SETD3: variants seen among roughly 807,000 people sequenced by gnomAD.
SETD3 encodes SET domain containing 3, actin N3(tau)-histidine methyltransferase.
In SETD3, 19 loss-of-function variants were observed where a neutral mutation model predicts 63.0. The observed-to-expected ratio is 0.30, with a 90% CI of 0.21 to 0.44. SETD3 has a LOEUF of 0.44. Ranked by LOEUF, SETD3 falls within the 20% of genes least tolerant of loss-of-function variation. The pLI is 1.00. For synonymous variants in SETD3, 286 were observed against 264.1 expected (o/e 1.08, Z -0.80); for missense variants, 587 against 728.5 (o/e 0.81, Z 2.24).
intron 6 of SETD3, among the ~76,000 whole-genome samples, chr14:99,450,811 A>G (rs1434925750): frequency 6.6e-6 from 1 of 152,204 alleles, no homozygotes; most frequent in Non-Finnish European, 1.5e-5. Flanking sequence ...AAATAGTAGT[A>G]ATAAATTTAA....
chr14:99,429,618 A>G (rs1893064959), intron 6 of SETD3, among the ~76,000 whole-genome samples: 1 of 152,174 alleles, frequency 6.6e-6, no homozygotes, highest in South Asian at 2.1e-4. Context: ...CAGTCATCTG[A>G]TAACTAACAT....
intron 7 of SETD3, 41 bp from the exon 8 acceptor site, chr14:99,413,106 A>C: frequency 8.3e-7 from 1 of 1,202,264 alleles, no homozygotes; most frequent in Non-Finnish European, 1.2e-6. Flanking sequence ...GGAACATTTA[A>C]AAGCCAATTG....
At chr14:99,455,749 T>C (rs1333086386) in intron 6 of SETD3, among the ~76,000 whole-genome samples, 1 of 152,220 alleles carries the variant, frequency 6.6e-6, no homozygotes, top group African/African-American at 2.4e-5. Flanking sequence ...TCAGCACTTC[T>C]GACATTTGGG....
At chr14:99,482,596 T>C (rs1157636115), upstream of SETD3, among the ~76,000 whole-genome samples, 5 of 152,238 alleles carry the variant, frequency 3.3e-5, no homozygotes, top group Non-Finnish European at 5.9e-5. Context: ...AGGGTTTTTT[T>C]CCCTCTTTTA....
At chr14:99,403,559 AAC>A (rs1891518555) in intron 11 of SETD3, among the ~76,000 whole-genome samples, 1 of 152,034 alleles carries the variant, frequency 6.6e-6, no homozygotes, top group Non-Finnish European at 1.5e-5. Flanking sequence ...GAAAAATAAA[AAC>A]ACAACCACGA....
chr14:99,433,834 T>C (rs1244463532), intron 6 of SETD3, among the ~76,000 whole-genome samples: 1 of 151,664 alleles, frequency 6.6e-6, no homozygotes, highest in Non-Finnish European at 1.5e-5. Context: ...TCAACACCAT[T>C]AGCCATCAAG....
chr14:99,473,556 T>C (rs1429355549), intron 1 of SETD3, among the ~76,000 whole-genome samples: 1 of 152,216 alleles, frequency 6.6e-6, no homozygotes, highest in African/African-American at 2.4e-5. Flanking sequence ...CATCTGTTTT[T>C]CAATGTATCC....
rs567652279 is a variant in SETD3, at chr14:99,427,689, A to G, written c.676-13755T>C. On this transcript the variant is annotated intron_variant, in intron 6 of 12. Transcript: ENST00000331768. Reference sequence around the variant, plus strand: ...TCGTCCGTCAACTCCCCAAACCTGCACTGTGTGTCTGCTGCGTGCAAGGCA... The same window carrying G: ...TCGTCCGTCAACTCCCCAAACCTGCGCTGTGTGTCTGCTGCGTGCAAGGCA... 2.7e-4 allele frequency among the ~76,000 whole-genome samples: 41 copies of G among 152,316 alleles called. 1 individual carries two copies. The highest frequency in any genetic ancestry group is 4.4e-4 in the Non-Finnish European group (30 of 68,036).
intron 2 of SETD3, 72 bp from the exon 3 acceptor site, chr14:99,463,650 AG>A: frequency 2.4e-6 from 3 of 1,256,362 alleles, no homozygotes; most frequent in Non-Finnish European, 3.4e-6. Context: ...CACAAGAAAG[AG>A]GATTTGGACT....
chr14:99,479,879 C>T (rs1269887923), intron 1 of SETD3, among the ~76,000 whole-genome samples: 1 of 152,246 alleles, frequency 6.6e-6, no homozygotes, highest in Admixed American at 6.5e-5. Context: ...ATGCCCTCCT[C>T]CCAACACCGG....
intron 6 of SETD3, among the ~76,000 whole-genome samples, chr14:99,422,033 A>G (rs1231121472): frequency 3.9e-5 from 6 of 152,238 alleles, no homozygotes; most frequent in Admixed American, 3.9e-4. Context: ...AACATTAGCA[A>G]AACTAAGACA....
intron 3 of SETD3, among the ~76,000 whole-genome samples, chr14:99,463,223 A>T (rs1198774092): frequency 6.6e-6 from 1 of 152,264 alleles, no homozygotes; most frequent in Admixed American, 6.5e-5. Context: ...TAAATAAATA[A>T]AATTGTATCA....
chr14:99,481,344 T>C, upstream of SETD3: 1 of 398,434 alleles, frequency 2.5e-6, no homozygotes, highest in Non-Finnish European at 4.4e-6. Flanking sequence ...ACAGGCATCC[T>C]ACTCTCTCCG....
chr14:99,458,252 ATACT>A (rs747801918), intron 6 of SETD3, 23 bp downstream of exon 6: 14 of 1,598,762 alleles, frequency 8.8e-6, no homozygotes, highest in Non-Finnish European at 1.2e-5. Context: ...TGTGAAATAT[ATACT>A]TAAATTGCAA....
intron 6 of SETD3, among the ~76,000 whole-genome samples, chr14:99,430,105 A>G (rs1378560886): frequency 1.3e-5 from 2 of 152,238 alleles, no homozygotes; most frequent in Non-Finnish European, 2.9e-5. Flanking sequence ...TAAGTTTCCC[A>G]GGTGACTTAT....
At chr14:99,480,079 C>T (rs1245339609) in intron 1 of SETD3, among the ~76,000 whole-genome samples, 1 of 152,244 alleles carries the variant, frequency 6.6e-6, no homozygotes, top group East Asian at 1.9e-4. Context: ...GTGTGGAGCA[C>T]GGCCAGGGGC....
intron 6 of SETD3, among the ~76,000 whole-genome samples, chr14:99,439,675 T>C (rs1893683964): frequency 6.8e-6 from 1 of 147,730 alleles, no homozygotes; most frequent in South Asian, 2.1e-4. Context: ...ATATAATACA[T>C]ATTTATATAT....
At chr14:99,466,724 C>T (rs570511384) in intron 1 of SETD3, among the ~76,000 whole-genome samples, 69 of 151,998 alleles carry the variant, frequency 4.5e-4, no homozygotes, top group African/African-American at 1.6e-3. Flanking sequence ...GGAAGCCTAG[C>T]GAGGCAGCCA....
At chr14:99,448,794 C>T (rs953197010) in intron 6 of SETD3, among the ~76,000 whole-genome samples, 1 of 152,200 alleles carries the variant, frequency 6.6e-6, no homozygotes, top group African/African-American at 2.4e-5. Context: ...TCTAGGGAAA[C>T]ATTTAAGTGA....
Sources: gnomAD v4.1 joint callset for allele counts (sites outside exome capture counted in the v4.1 genomes callset) on GRCh38, gnomAD v4.1.1 for gene constraint, MANE v1.5 for transcripts, NCBI Gene and HGNC (gene_info 2026-07-23, HGNC 2026-07-21) for gene names.